Variants in ANKRD42 observed in about 807,000 individuals in gnomAD.
ANKRD42 encodes ankyrin repeat domain 42, also known as ankyrin repeat domain-containing protein 42.
ANKRD42 carries 43 observed loss-of-function variants against 51.5 expected under a neutral mutation model. The observed-to-expected ratio is 0.83, with a 90% CI of 0.65 to 1.08. The LOEUF is 1.08. Among genes scored for constraint, ANKRD42 ranks in the 50% least tolerant of loss-of-function variants. ANKRD42 has a pLI of 0.00. For synonymous variants in ANKRD42, 203 were observed against 213.0 expected (o/e 0.95, Z 0.41); for missense variants, 608 against 629.3 (o/e 0.97, Z 0.36).
intron 3 of ANKRD42, among the ~76,000 whole-genome samples, chr11:83,208,221 G>A (rs1004269820): frequency 3.3e-4 from 50 of 152,044 alleles, no homozygotes; most frequent in South Asian, 6.2e-4. Context: ...GTGGGAGGGG[G>A]GGGTCTCCCT....
intron 5 of ANKRD42, among the ~76,000 whole-genome samples, chr11:83,218,532 A>C (rs1196312871): frequency 2.0e-5 from 3 of 152,222 alleles, no homozygotes; most frequent in African/African-American, 7.2e-5. Flanking sequence ...TATAGGGATC[A>C]TCCGAGAATT....
intron 9 of ANKRD42, among the ~76,000 whole-genome samples, chr11:83,244,049 T>G (rs771116489): frequency 8.3e-5 from 11 of 132,946 alleles, no homozygotes; most frequent in Non-Finnish European, 1.2e-4. Context: ...TGGCACGACC[T>G]CGGCTCACTG....
chr11:83,202,964 A>ATCTT (rs1279459623), intron 2 of ANKRD42, among the ~76,000 whole-genome samples: 1 of 151,252 alleles, frequency 6.6e-6, no homozygotes, highest in Non-Finnish European at 1.5e-5. Context: ...AGTGCCTAGC[A>ATCTT]GATGTTCAAT....
intron 1 of ANKRD42, among the ~76,000 whole-genome samples, chr11:83,197,762 G>A (rs1326135294): frequency 6.6e-6 from 1 of 152,168 alleles, no homozygotes; most frequent in African/African-American, 2.4e-5. Flanking sequence ...AGCACTAAGA[G>A]TATGTGAATT....
chr11:83,248,335 A>ACT lies in ANKRD42; in HGVS notation c.*134_*135dup. 1 of 1,243,190 alleles carries ACT rather than the reference A, an allele frequency of 8.0e-7. No individual in the cohort carries two copies. Among genetic ancestry groups the ACT allele is most frequent in the Non-Finnish European group, 1.0e-6 (1 of 987,934 alleles). 77.0% of individuals were successfully genotyped at this position (1,243,190 alleles called of 1,614,324 possible). A position where few individuals can be genotyped will look rare whatever the true frequency, so the allele number is the denominator to read the frequency against. ...CACACACACACACACACACACACAC[A>ACT]CTCTATATGTAACTATAACTTTCTA... On this transcript the variant is annotated 3_prime_UTR_variant, in exon 11 of 11. Transcript: ENST00000533342.
downstream of ANKRD42, among the ~76,000 whole-genome samples, chr11:83,264,206 C>A (rs1312316430): frequency 6.6e-6 from 1 of 152,012 alleles, no homozygotes; most frequent in East Asian, 1.9e-4. Context: ...TAATAAAGGA[C>A]TGGATACATA....
At chr11:83,217,429 G>A (rs1362326054) in intron 5 of ANKRD42, among the ~76,000 whole-genome samples, 4 of 152,224 alleles carry the variant, frequency 2.6e-5, no homozygotes, top group African/African-American at 9.6e-5. Flanking sequence ...AATTGCAACC[G>A]AGCAGGCGAG....
Position 83,248,363 on chromosome 11 carries a change from T to C in ANKRD42, c.*159T>C. ...CTATATGTAACTATAACTTTCTAGA[T>C]ACATACACACATCTGTCTATCTATC... On this transcript the variant is annotated 3_prime_UTR_variant, in exon 11 of 11. Transcript: ENST00000533342. The C allele has an allele frequency of 7.4e-7, 1 of 1,344,148 alleles. No homozygotes were observed. Among genetic ancestry groups the C allele is most frequent in the Non-Finnish European group, 9.5e-7 (1 of 1,055,492 alleles). The allele number at this position is 1,344,148 out of a possible 1,614,324, so 83.3% of individuals were successfully genotyped here.
At chr11:83,199,009 G>C (rs1330270177) in intron 2 of ANKRD42, among the ~76,000 whole-genome samples, 2 of 152,132 alleles carry the variant, frequency 1.3e-5, no homozygotes, top group African/African-American at 4.8e-5. Context: ...TTATGGATTA[G>C]GCACCTTAAA....
At chr11:83,222,374 C>T in intron 5 of ANKRD42, among the ~76,000 whole-genome samples, 1 of 152,180 alleles carries the variant, frequency 6.6e-6, no homozygotes, top group African/African-American at 2.4e-5. Flanking sequence ...AAGACAAAGT[C>T]CTGCCTACAT....
Position 83,198,588 on chromosome 11 carries a change from T to A in ANKRD42, c.168T>A (p.Asp56Glu). 1 of 1,612,922 alleles carries A rather than the reference T, an allele frequency of 6.2e-7. No individual in the cohort carries two copies. The highest frequency in any genetic ancestry group is 8.5e-7 in the Non-Finnish European group (1 of 1,179,230). ...VVRGASINELDVLHKFTPLHW... is the reference protein window; with the variant it reads ...VVRGASINELEVLHKFTPLHW... ...GTGGAGCCAGCATTAATGAACTTGATGTTCTCCATAAGTTTACCCCTTTAC... is the reference window on the plus strand; with the variant it reads ...GTGGAGCCAGCATTAATGAACTTGAAGTTCTCCATAAGTTTACCCCTTTAC... Residue 56 changes from aspartate (D) to glutamate (E), a missense_variant, in exon 2 of 11, where the codon GAT becomes GAA. By Grantham distance (45) the Asp-to-Glu change is conservative. Coordinates refer to ENST00000533342, the MANE Select transcript of ANKRD42 (RefSeq NM_001300975.2).
In ANKRD42 at chr11:83,213,032, C is replaced by G. The variant is rs1862387111; in HGVS notation, c.586+1602C>G. ...GGCCACCCTCAGACCCCTTGTGAAG[C>G]CCAGGATCATCAAAAAGAGAACTAA... On this transcript the variant is annotated intron_variant, in intron 5 of 10. Coordinates refer to ENST00000533342, the MANE Select transcript of ANKRD42 (RefSeq NM_001300975.2). The G allele has an allele frequency of 2.5e-6, 4 of 1,599,750 alleles. No individual in the cohort carries two copies. In the African/African-American group the frequency reaches 4.0e-5, roughly 16 times the overall value.
chr11:83,213,355 G>A (rs985743637), intron 5 of ANKRD42: 20 of 1,579,174 alleles, frequency 1.3e-5, no homozygotes, highest in East Asian at 9.1e-5. Context: ...GCTGTCCATC[G>A]GAGTCACACC....
downstream of ANKRD42, among the ~76,000 whole-genome samples, chr11:83,250,716 C>A (rs924078380): frequency 2.0e-5 from 3 of 152,114 alleles, no homozygotes; most frequent in African/African-American, 7.2e-5. Context: ...AATATCAAGA[C>A]CAGATTCTCT....
chr11:83,214,664 T>C (rs1053428082), intron 5 of ANKRD42: 11 of 652,154 alleles, frequency 1.7e-5, no homozygotes, highest in Non-Finnish European at 2.1e-5. Flanking sequence ...AATTTGATAA[T>C]GTATAAAGAT....
intron 10 of ANKRD42, among the ~76,000 whole-genome samples, chr11:83,246,834 T>TA (rs1440425890): frequency 6.6e-6 from 1 of 152,100 alleles, no homozygotes; most frequent in Non-Finnish European, 1.5e-5. Flanking sequence ...AGAAAGAAAA[T>TA]AAAAAATAAT....
intron 6 of ANKRD42, among the ~76,000 whole-genome samples, chr11:83,225,637 A>G (rs1306209532): frequency 2.6e-5 from 4 of 151,740 alleles, no homozygotes; most frequent in Admixed American, 1.3e-4. Flanking sequence ...TATAGAGGCC[A>G]GATGCGGTGG....
At chr11:83,195,288 A>C (rs560368003) in intron 1 of ANKRD42, among the ~76,000 whole-genome samples, 13 of 152,298 alleles carry the variant, frequency 8.5e-5, no homozygotes, top group Admixed American at 3.3e-4. Context: ...GCTCCGTCTT[A>C]AGGAACTTAA....
chr11:83,250,679 T>TA (rs994296674), downstream of ANKRD42, among the ~76,000 whole-genome samples: 14 of 151,406 alleles, frequency 9.2e-5, no homozygotes, highest in East Asian at 1.9e-4. Context: ...GTGCTTGAAT[T>TA]AAAAAAAAAT....
Sources: gnomAD v4.1 joint callset for allele counts (sites outside exome capture counted in the v4.1 genomes callset) on GRCh38, gnomAD v4.1.1 for gene constraint, MANE v1.5 for transcripts, NCBI Gene and HGNC (gene_info 2026-07-23, HGNC 2026-07-21) for gene names.